The following APRT variants were observed in gnomAD, a reference collection of about 807,000 sequenced individuals.
APRT encodes the protein AMP diphosphorylase.
A neutral mutation model predicts 21.0 loss-of-function variants in APRT; 25 were observed. The ratio of observed to expected loss-of-function variants is 1.19; its 90% CI spans 0.87 to 1.66. APRT has a LOEUF of 1.66. APRT is among the 40% of genes most tolerant of loss of function. The pLI, the probability that APRT is intolerant of heterozygous loss-of-function variation, is 0.00. For missense variants in APRT, 294 were observed against 232.7 expected (o/e 1.26, Z -1.72); for synonymous variants, 153 against 109.0 (o/e 1.40, Z -2.52).
At position 88,809,713 on chromosome 16, in the gene APRT, G is replaced by C; in HGVS notation, c.528C>G (p.Leu176=). 2 of 1,613,358 alleles carry C rather than the reference G, an allele frequency of 1.2e-6. No homozygotes were observed. The highest frequency in any genetic ancestry group is 1.7e-6 in the Non-Finnish European group (2 of 1,179,952). Residue 176 remains leucine, a synonymous_variant, in exon 5 of 5, where the codon CTC becomes CTG. Coordinates refer to ENST00000378364, the MANE Select transcript of APRT (RefSeq NM_000485.3). ...EKLAPVPFFS[L]LQYE The stretch of plus-strand genomic sequence containing the variant: ...GGCCCTGTGGTCACTCATACTGCAG[G>C]AGAGAGAAGAAGGGTACAGGTGCCA...
At position 88,809,808 on chromosome 16, in the gene APRT, G is replaced by T. The variant is rs550667813; in HGVS notation, c.433C>A (p.Arg145Ser). ...CACTCCAGGACCTCAGCCTGCAGGC[G>T]GCCCAGCAGCTCACAGGCAGCGTTC... ...TMNAACELLG[R>S]LQAEVLECVS... The change falls in exon 5 of 5, where the codon CGC becomes AGC. Residue 145 changes from arginine to serine, a missense_variant. Coordinates refer to ENST00000378364, the MANE Select transcript of APRT (RefSeq NM_000485.3). 1.8e-5 allele frequency: 29 copies of T among 1,612,760 alleles called. No individual in the cohort carries two copies. Among genetic ancestry groups the T allele is most frequent in the African/African-American group, 1.3e-5 (1 of 74,932 alleles).
intron 2 of APRT, 58 bp downstream of exon 2, chr16:88,811,492 G>C (rs1909135582): frequency 6.7e-7 from 1 of 1,482,550 alleles, no homozygotes; most frequent in South Asian, 1.2e-5. Context: ...GAGCCCACGT[G>C]CTGCCCTCGG....
rs1158038532 is a variant in APRT at position 88,811,626 on chromosome 16, G to T, written c.111C>A (p.Ala37=). 3 of 1,602,136 alleles carry T rather than the reference G, an allele frequency of 1.9e-6. No homozygotes were observed. The South Asian group carries it at 3.4e-5, about 18-fold the overall frequency. The change falls in exon 2 of 5, where the codon GCC becomes GCA. Residue 37 remains alanine, a synonymous_variant. Transcript: ENST00000378364. ...GGAGGCCGATGGCGGCGCGGAAGGAGGCGGGGTCCTTCAGGACGGGCGAGA... is the reference window on the plus strand; with the variant it reads ...GGAGGCCGATGGCGGCGCGGAAGGATGCGGGGTCCTTCAGGACGGGCGAGA... ...RDISPVLKDP[A]SFRAAIGLLA...
rs754800082 is a variant in APRT at position 88,811,888 on chromosome 16, G to A, written c.12C>T (p.Ser4=). Residue 4 remains serine (S), a synonymous_variant, in exon 1 of 5, where the codon TCC becomes TCT. Transcript: ENST00000378364. ...TCCGCTGCTCAACCAGCTGCAGCTC[G>A]GAGTCGGCCATGGCCGCGTGCGAAG... MAD[S]ELQLVEQRIR... The A allele has an allele frequency of 1.2e-5, 18 of 1,557,638 alleles. No individual in the cohort carries two copies. The highest frequency in any genetic ancestry group is 1.5e-5 in the Non-Finnish European group (17 of 1,153,700).
intron 2 of APRT, chr16:88,811,277 T>C (rs1909126983): frequency 1.9e-6 from 1 of 539,322 alleles, no homozygotes; most frequent in African/African-American, 2.0e-5. Context: ...TGGATTCAGC[T>C]TGGGCACTCC....
intron 3 of APRT, 104 bp from the exon 4 acceptor site, chr16:88,810,252 C>G: frequency 6.6e-7 from 1 of 1,509,306 alleles, no homozygotes; most frequent in Non-Finnish European, 9.1e-7. Context: ...CCCCACCTTG[C>G]TGTTACCTGG....
chr16:88,809,548 C>T lies in APRT; in HGVS notation c.*150G>A, dbSNP rs1909022657. The T allele has an allele frequency of 1.6e-6, 2 of 1,280,792 alleles. No individual in the cohort carries two copies. The highest frequency in any genetic ancestry group is 1.9e-5 in the Admixed American group (1 of 53,300). The allele number at this position is 1,280,792 out of a possible 1,614,324, so 79.3% of individuals were successfully genotyped here. A position where few individuals can be genotyped will look rare whatever the true frequency, so the allele number is the denominator to read the frequency against. On this transcript the variant is annotated 3_prime_UTR_variant, in exon 5 of 5. Transcript: ENST00000378364. ...GGCTGAAACACAGCTTTGCCCCAGG[C>T]TTTGGCACTTCCAGCCCCAGGAGAG...
Position 88,810,121 on chromosome 16 carries a change from G to C in APRT, c.349C>G (p.Leu117Val). ...KAELEIQKDA[L>V]EPGQRVVVVD... ...ACGACCACCCTCTGTCCTGGCTCCA[G>C]GGCGTCTTTCTGAATCTCCAGCTCA... The change falls in exon 4 of 5, where the codon CTG becomes GTG. Residue 117 changes from leucine (L) to valine (V), a missense_variant. Coordinates refer to ENST00000378364, the MANE Select transcript of APRT (RefSeq NM_000485.3). 6.2e-7 allele frequency: 1 copy of C among 1,613,300 alleles called. No individual in the cohort carries two copies.
At position 88,810,357 on chromosome 16, in the gene APRT, G is replaced by C. The variant is rs561088237; in HGVS notation, c.321+66C>G. ...TTGACACGCCTGGGAAGGCCTTTTA[G>C]AACTGGGGGAGAGTGGCCACGGTGG... On this transcript the variant is annotated intron_variant, in intron 3 of 4. Transcript: ENST00000378364. The C allele has an allele frequency of 2.3e-5, 36 of 1,599,352 alleles. No homozygotes were observed. The East Asian group carries it at 5.8e-4, about 26-fold the overall frequency.
chr16:88,811,208 G>C (rs544289618), intron 2 of APRT: 10 of 468,468 alleles, frequency 2.1e-5, no homozygotes, highest in African/African-American at 2.1e-4. Context: ...GGCCTGGCTC[G>C]TGGCAGGCGC....
Position 88,811,616 on chromosome 16 carries a change from C to A in APRT, c.121G>T (p.Ala41Ser), listed in dbSNP as rs1461114608. The change falls in exon 2 of 5, where the codon GCC becomes TCC. Residue 41 changes from alanine to serine, a missense_variant. By Grantham distance (99) the Ala-to-Ser change is moderately conservative. Coordinates refer to ENST00000378364, the MANE Select transcript of APRT (RefSeq NM_000485.3). ...PVLKDPASFR[A>S]AIGLLARHLK... ...TGTCGCGCCAGGAGGCCGATGGCGG[C>A]GCGGAAGGAGGCGGGGTCCTTCAGG... is the stretch of plus-strand genomic sequence containing the variant. 1 of 1,603,502 alleles carries A rather than the reference C, an allele frequency of 6.2e-7. No individual in the cohort carries two copies. Among genetic ancestry groups the A allele is most frequent in the Admixed American group, 1.7e-5 (1 of 59,148 alleles).
rs1178404725 is a variant in APRT at position 88,809,547 on chromosome 16, G to A, written c.*151C>T. 1 of 1,266,386 alleles carries A rather than the reference G, an allele frequency of 7.9e-7. No homozygotes were observed. Among genetic ancestry groups the A allele is most frequent in the East Asian group, 2.4e-5 (1 of 41,446 alleles). 78.4% of individuals were successfully genotyped at this position (1,266,386 alleles called of 1,614,324 possible). Reference sequence around the variant, plus strand: ...TGGCTGAAACACAGCTTTGCCCCAGGCTTTGGCACTTCCAGCCCCAGGAGA... The same window carrying A: ...TGGCTGAAACACAGCTTTGCCCCAGACTTTGGCACTTCCAGCCCCAGGAGA... On this transcript the variant is annotated 3_prime_UTR_variant, in exon 5 of 5. Coordinates refer to ENST00000378364, the MANE Select transcript of APRT (RefSeq NM_000485.3).
At chr16:88,809,948 G>C (rs754983641) in intron 4 of APRT, 108 bp from the exon 5 acceptor site, 1 of 1,569,618 alleles carries the variant, frequency 6.4e-7, no homozygotes, top group Non-Finnish European at 8.7e-7. Flanking sequence ...GGAAGGTGTC[G>C]GCCTGGCCAC....
At chr16:88,811,736 C>A in intron 1 of APRT, 80 bp from the exon 2 acceptor site, 2 of 1,500,894 alleles carry the variant, frequency 1.3e-6, no homozygotes, top group Non-Finnish European at 1.8e-6. Context: ...GGTTCCCGCC[C>A]CGCCCGCCCG....
chr16:88,810,274 C>T, intron 3 of APRT, 126 bp from the exon 4 acceptor site: 1 of 1,357,156 alleles, frequency 7.4e-7, no homozygotes, highest in Non-Finnish European at 1.0e-6. Context: ...TGTGTGAGCC[C>T]AGCCTATGTC....
Position 88,811,856 on chromosome 16 carries a change from C to T in APRT, c.44G>A (p.Ser15Asn), listed in dbSNP as rs1386760600. The T allele has an allele frequency of 6.4e-7, 1 of 1,572,728 alleles. No individual in the cohort carries two copies. The highest frequency in any genetic ancestry group is 1.2e-5 in the South Asian group (1 of 85,804). Residue 15 changes from serine (S) to asparagine (N), a missense_variant, in exon 1 of 5, where the codon AGC (serine) becomes AAC (asparagine). Transcript: ENST00000378364. ...ELQLVEQRIR[S>N]FPDFPTPGVV... is the part of the protein sequence containing the mutation. ...GCCTGGGGTGGGGAAGTCGGGGAAG[C>T]TGCGGATCCGCTGCTCAACCAGCTG...
intron 2 of APRT, among the ~76,000 whole-genome samples, 174 bp from the exon 3 acceptor site, chr16:88,810,730 C>T (rs561029153): frequency 1.3e-5 from 2 of 152,218 alleles, no homozygotes; most frequent in Non-Finnish European, 2.9e-5. Context: ...GAGTGCAGAC[C>T]TGGGTCTGTC....
rs1382178603 is a variant in APRT, at chr16:88,810,477, C to CGAA, written c.266_267insTTC (p.Arg89_Gly90insSer). 1 of 1,612,334 alleles carries CGAA rather than the reference C, an allele frequency of 6.2e-7. No homozygotes were observed. Among genetic ancestry groups the CGAA allele is most frequent in the Non-Finnish European group, 8.5e-7 (1 of 1,179,928 alleles). ...ACAGAGTGGGGCCTGGCAGCTTCCC[C>CGAA]CGCTTTCGGATGAGCACGCAGCCCA... On this transcript the variant is annotated inframe_insertion, in exon 3 of 5. Transcript: ENST00000378364.
chr16:88,811,803 G>A lies in APRT; in HGVS notation c.80+17C>T. The stretch of plus-strand genomic sequence containing the variant: ...GCCCGCAGGTCGGGGCGCCACGAGG[G>A]CGGCCTGTGCGTGCACCTGAATACC... On this transcript the variant is annotated intron_variant, in intron 1 of 4. Coordinates refer to ENST00000378364, the MANE Select transcript of APRT (RefSeq NM_000485.3). 2 of 1,552,248 alleles carry A rather than the reference G, an allele frequency of 1.3e-6. No homozygotes were observed. The highest frequency in any genetic ancestry group is 8.7e-7 in the Non-Finnish European group (1 of 1,149,222).
Sources: gnomAD v4.1 joint callset for allele counts (sites outside exome capture counted in the v4.1 genomes callset) on GRCh38, gnomAD v4.1.1 for gene constraint, MANE v1.5 for transcripts, NCBI Gene and HGNC (gene_info 2026-07-23, HGNC 2026-07-21) for gene names.